The following GLT1D1 variants were observed in gnomAD, a reference collection of about 807,000 sequenced individuals.
GLT1D1 encodes glycosyltransferase 1 domain containing 1.
A neutral mutation model predicts 28.7 loss-of-function variants in GLT1D1; 21 were observed. The observed-to-expected ratio is 0.73, with a 90% CI of 0.52 to 1.05. The LOEUF (loss-of-function observed/expected upper bound fraction) is 1.05, where lower values mean the gene tolerates loss of function less well. Among genes scored for constraint, GLT1D1 ranks in the 50% least tolerant of loss-of-function variants. The pLI is 0.00. For synonymous variants in GLT1D1, 147 were observed against 124.8 expected (o/e 1.18, Z -1.19); for missense variants, 343 against 330.6 (o/e 1.04, Z -0.29).
At chr12:128,968,230 C>T (rs950983434) in intron 7 of GLT1D1, among the ~76,000 whole-genome samples, 1 of 151,870 alleles carries the variant, frequency 6.6e-6, no homozygotes, top group East Asian at 2.0e-4. Flanking sequence ...CTCCTGACCT[C>T]GTGATCCGCC....
chr12:128,912,313 A>T lies in GLT1D1; in HGVS notation c.375+13026A>T, dbSNP rs1036785212. 7 of 619,632 alleles carry T rather than the reference A, an allele frequency of 1.1e-5. No homozygotes were observed. In the African/African-American group the frequency reaches 1.3e-4, roughly 12 times the overall value. The allele number at this position is 619,632 out of a possible 1,614,324, so 38.4% of individuals were successfully genotyped here. ...GCAGCTGTGTAGATGATTCTCAGTG[A>T]TGTTTTCCAGGACGGCTTTTTTTGT... On this transcript the variant is annotated intron_variant, in intron 4 of 7. Coordinates refer to ENST00000281703, the MANE Select transcript of GLT1D1 (RefSeq NM_144669.3).
intron 4 of GLT1D1, among the ~76,000 whole-genome samples, chr12:128,908,695 A>G (rs2135877140): frequency 6.6e-6 from 1 of 151,984 alleles, no homozygotes; most frequent in East Asian, 1.9e-4. Flanking sequence ...CACGCCTGTA[A>G]TCCCAGCACT....
At chr12:128,935,938 G>A (rs1357454514) in intron 4 of GLT1D1, among the ~76,000 whole-genome samples, 1 of 152,180 alleles carries the variant, frequency 6.6e-6, no homozygotes, top group Non-Finnish European at 1.5e-5. Flanking sequence ...TTGTAGTAGA[G>A]TGGTCACACG....
chr12:128,949,756 GCACACACACAGGCA>G (rs2135499210), intron 6 of GLT1D1, among the ~76,000 whole-genome samples: 1 of 151,554 alleles, frequency 6.6e-6, no homozygotes, highest in East Asian at 1.9e-4. Context: ...ACACACACAC[GCACACACACAGGCA>G]CACACACACA....
In GLT1D1 at chr12:128,947,435, G is replaced by A. The variant is rs192775723; in HGVS notation, c.517G>A (p.Gly173Ser). The A allele has an allele frequency of 1.9e-6, 3 of 1,614,172 alleles. No individual in the cohort carries two copies. The East Asian group carries it at 6.7e-5, about 36-fold the overall frequency. ...GGTGGTGAATAGCTCTGTCTCTGAA[G>A]GCATGTCAGCTGCAATTTTGGAGGT... Residue 173 changes from glycine (G) to serine (S), a missense_variant, in exon 6 of 8, where the codon GGC (glycine) becomes AGC (serine). Transcript: ENST00000281703.
chr12:128,878,499 C>T (rs1046318753), intron 2 of GLT1D1, among the ~76,000 whole-genome samples: 6 of 152,182 alleles, frequency 3.9e-5, no homozygotes, highest in African/African-American at 9.7e-5. Context: ...TTTTTGCATC[C>T]GTGCCTGAAC....
intron 4 of GLT1D1, among the ~76,000 whole-genome samples, chr12:128,910,437 A>G (rs996323364): frequency 6.6e-6 from 1 of 152,094 alleles, no homozygotes; most frequent in African/African-American, 2.4e-5. Flanking sequence ...TGTTATTGTC[A>G]AACACTTATA....
intron 5 of GLT1D1, among the ~76,000 whole-genome samples, chr12:128,946,396 G>T (rs946937915): frequency 3.3e-5 from 5 of 152,198 alleles, no homozygotes; most frequent in African/African-American, 1.2e-4. Flanking sequence ...GCTCAGGCTG[G>T]AGTGCAGTGG....
At chr12:128,935,265 A>G (rs1475293275) in intron 4 of GLT1D1, among the ~76,000 whole-genome samples, 1 of 152,158 alleles carries the variant, frequency 6.6e-6, no homozygotes, top group Non-Finnish European at 1.5e-5. Flanking sequence ...ATAGTAGAGT[A>G]GCCGGGCGCG....
intron 7 of GLT1D1, among the ~76,000 whole-genome samples, chr12:128,976,872 G>A (rs1320172257): frequency 6.6e-6 from 1 of 152,284 alleles, no homozygotes; most frequent in East Asian, 1.9e-4. Flanking sequence ...CTGGCTGGGC[G>A]CAGTGGCTCA....
intron 7 of GLT1D1, among the ~76,000 whole-genome samples, chr12:128,970,410 C>G (rs114628606): frequency 6.6e-5 from 10 of 152,218 alleles, no homozygotes; most frequent in Non-Finnish European, 1.5e-4. Context: ...ACTCCCGGAC[C>G]GAGGGGCTGT....
Position 128,912,326 on chromosome 12 carries a change from C to T in GLT1D1, c.375+13039C>T, listed in dbSNP as rs554492708. The T allele has an allele frequency of 2.4e-4, 161 of 683,742 alleles. 2 individuals are homozygous for T. The African/African-American group carries it at 2.5e-3, about 11-fold the overall frequency. 42.4% of individuals were successfully genotyped at this position (683,742 alleles called of 1,614,324 possible). On this transcript the variant is annotated intron_variant, in intron 4 of 7. Coordinates refer to ENST00000281703, the MANE Select transcript of GLT1D1 (RefSeq NM_144669.3). ...TGATTCTCAGTGATGTTTTCCAGGA[C>T]GGCTTTTTTTGTTAATGACCTTCAT...
intron 7 of GLT1D1, among the ~76,000 whole-genome samples, chr12:128,970,074 T>C (rs1355931991): frequency 6.6e-6 from 1 of 152,158 alleles, no homozygotes; most frequent in African/African-American, 2.4e-5. Context: ...ACAACGCTGC[T>C]GTAGGAATCA....
intron 4 of GLT1D1, among the ~76,000 whole-genome samples, chr12:128,931,419 T>C (rs2135927251): frequency 6.6e-6 from 1 of 151,982 alleles, no homozygotes; most frequent in Admixed American, 6.6e-5. Flanking sequence ...GCGACTCTCC[T>C]GTCTCAGCCT....
Position 128,929,902 on chromosome 12 carries a change from G to T in GLT1D1, c.376-15424G>T, listed in dbSNP as rs150323539. 6.6e-3 allele frequency among the ~76,000 whole-genome samples: 1,008 copies of T among 152,336 alleles called. 15 individuals carry two copies. The highest frequency in any genetic ancestry group is 0.023 in the African/African-American group (966 of 41,578). ...GAGGCACGAGAATCACTTGAACCTG[G>T]GAAGCGGAGGTTGCAGTGAGCCAAG... On this transcript the variant is annotated intron_variant, in intron 4 of 7. Coordinates refer to ENST00000281703, the MANE Select transcript of GLT1D1 (RefSeq NM_144669.3).
intron 4 of GLT1D1, among the ~76,000 whole-genome samples, chr12:128,928,916 C>A (rs1013306189): frequency 6.6e-6 from 1 of 152,154 alleles, no homozygotes; most frequent in Non-Finnish European, 1.5e-5. Flanking sequence ...GCCACCGCAC[C>A]CGGCCTCTTT....
chr12:128,909,500 C>T lies in GLT1D1; in HGVS notation c.375+10213C>T, dbSNP rs142571151. On this transcript the variant is annotated intron_variant, in intron 4 of 7. Transcript: ENST00000281703. ...TTTTAAGCAGTTTGTAATCGTTTTACAAGTAGTTTTTACAAAGCCACAGTC... is the reference window on the plus strand; with the variant it reads ...TTTTAAGCAGTTTGTAATCGTTTTATAAGTAGTTTTTACAAAGCCACAGTC... Among the ~76,000 whole-genome samples, 290 of 152,252 alleles carry T rather than the reference C, an allele frequency of 1.9e-3. 6 individuals carry two copies. The East Asian group carries it at 0.05, about 26-fold the overall frequency.
chr12:128,955,261 C>T (rs1393282221), intron 6 of GLT1D1, among the ~76,000 whole-genome samples: 1 of 152,198 alleles, frequency 6.6e-6, no homozygotes, highest in African/African-American at 2.4e-5. Flanking sequence ...CACCCACGTT[C>T]ATCCTCCTGC....
chr12:128,963,648 CA>C (rs1425553176), intron 7 of GLT1D1, among the ~76,000 whole-genome samples: 1 of 151,982 alleles, frequency 6.6e-6, no homozygotes, highest in African/African-American at 2.4e-5. Flanking sequence ...CGTCTCAAAA[CA>C]AAAACAAAAA....
Sources: allele counts gnomAD v4.1 joint callset (sites outside exome capture counted in the v4.1 genomes callset), GRCh38; gene constraint gnomAD v4.1.1; transcripts MANE v1.5; gene names NCBI Gene and HGNC (gene_info 2026-07-23, HGNC 2026-07-21).